GRIA4: variants seen among roughly 807,000 people sequenced by gnomAD.
The protein encoded by GRIA4 is glutamate ionotropic receptor AMPA type subunit 4.
Under a neutral mutation model 104.0 loss-of-function variants are expected in GRIA4, and 34 were observed. The observed-to-expected ratio is 0.33, with a 90% confidence interval of 0.25 to 0.44. The LOEUF is 0.44. GRIA4 is among the 20% of genes least tolerant of loss of function. The probability of loss-of-function intolerance (pLI) is 1.00; values close to 1 mark genes in which losing one functional copy is unlikely to be tolerated. For synonymous variants in GRIA4, 386 were observed against 381.9 expected (o/e 1.01, Z -0.13); for missense variants, 750 against 1,096.5 (o/e 0.68, Z 4.46).
intron 4 of GRIA4, among the ~76,000 whole-genome samples, chr11:105,765,399 A>T (rs1235055104): frequency 6.6e-6 from 1 of 152,228 alleles, no homozygotes; most frequent in Non-Finnish European, 1.5e-5. Flanking sequence ...TAAAGTATGT[A>T]AGAGTCATCT....
At position 105,680,674 on chromosome 11, in the gene GRIA4, GGA is replaced by G. The variant is rs1357469549; in HGVS notation, c.247+68242_247+68243del. Among the ~76,000 whole-genome samples, 3 of 152,192 alleles carry G rather than the reference GGA, an allele frequency of 2.0e-5. No individual in the cohort carries two copies. The East Asian group carries it at 5.8e-4, about 29-fold the overall frequency. The stretch of plus-strand genomic sequence containing the variant: ...TTTTAAAAAAATATATCTTCAAAAT[GGA>G]GGTTAAGAAGTGACTCAATTTCTGA... On this transcript the variant is annotated intron_variant, in intron 3 of 16. Coordinates refer to ENST00000282499, the MANE Select transcript of GRIA4 (RefSeq NM_000829.4).
intron 4 of GRIA4, among the ~76,000 whole-genome samples, chr11:105,812,492 A>G (rs560866826): frequency 6.0e-4 from 91 of 152,254 alleles, no homozygotes; most frequent in Admixed American, 1.6e-3. Context: ...TTGTCTTTTT[A>G]GGAAATTAAC....
intron 6 of GRIA4, among the ~76,000 whole-genome samples, chr11:105,892,040 C>T (rs898913363): frequency 1.1e-4 from 17 of 152,054 alleles, no homozygotes; most frequent in African/African-American, 4.1e-4. Context: ...TACCCAAGAT[C>T]TCGCAGATCT....
At chr11:105,737,930 T>C (rs1939056567) in intron 3 of GRIA4, among the ~76,000 whole-genome samples, 1 of 152,110 alleles carries the variant, frequency 6.6e-6, no homozygotes, top group Non-Finnish European at 1.5e-5. Context: ...TATAAGAATG[T>C]CATGAAGTTT....
At chr11:105,858,843 T>A (rs938181323) in intron 4 of GRIA4, among the ~76,000 whole-genome samples, 1 of 152,156 alleles carries the variant, frequency 6.6e-6, no homozygotes, top group Admixed American at 6.6e-5. Context: ...ATTTATAGAA[T>A]TCTGTATGTA....
chr11:105,646,413 T>C (rs1321117444), intron 3 of GRIA4, among the ~76,000 whole-genome samples: 1 of 152,088 alleles, frequency 6.6e-6, no homozygotes, highest in Non-Finnish European at 1.5e-5. Flanking sequence ...GGCAACATAG[T>C]GAGACTCTGT....
At position 105,933,796 on chromosome 11, in the gene GRIA4, T is replaced by C; in HGVS notation, c.2121T>C (p.Thr707=). The C allele has an allele frequency of 1.2e-6, 2 of 1,612,770 alleles. No individual in the cohort carries two copies. The highest frequency in any genetic ancestry group is 2.7e-5 in the African/African-American group (2 of 75,004). The change falls in exon 14 of 17, where the codon ACT becomes ACC. Residue 707 remains threonine, a synonymous_variant. Coordinates refer to ENST00000282499, the MANE Select transcript of GRIA4 (RefSeq NM_000829.4). ...RSAEPSVFTR[T]TAEGVARVRK... ...CAGAGCCATCAGTATTCACTAGGAC[T>C]ACAGCTGAGGGAGTAGCTCGTGTCC... is the stretch of plus-strand genomic sequence containing the variant.
chr11:105,823,676 T>TG (rs1943659509), intron 4 of GRIA4, among the ~76,000 whole-genome samples: 1 of 152,080 alleles, frequency 6.6e-6, no homozygotes. Context: ...ATATTGCAAT[T>TG]GGGACTGACA....
chr11:105,969,559 G>A (rs1858574492), intron 14 of GRIA4, among the ~76,000 whole-genome samples: 1 of 152,182 alleles, frequency 6.6e-6, no homozygotes, highest in Non-Finnish European at 1.5e-5. Flanking sequence ...GCCTAATGCA[G>A]TCTTCATCTT....
At chr11:105,880,921 A>G (rs563673282) in intron 5 of GRIA4, among the ~76,000 whole-genome samples, 2 of 152,310 alleles carry the variant, frequency 1.3e-5, no homozygotes, top group East Asian at 3.9e-4. Flanking sequence ...TTTTTACATT[A>G]TCAATTCTAC....
intron 13 of GRIA4, among the ~76,000 whole-genome samples, chr11:105,931,795 G>A (rs1947883455): frequency 6.6e-6 from 1 of 152,030 alleles, no homozygotes; most frequent in African/African-American, 2.4e-5. Context: ...TGGTTTATTA[G>A]TTAGGTTTCT....
At chr11:105,903,409 A>C (rs1167365068) in intron 7 of GRIA4, among the ~76,000 whole-genome samples, 1 of 152,178 alleles carries the variant, frequency 6.6e-6, no homozygotes, top group African/African-American at 2.4e-5. Flanking sequence ...GGAAAAGATT[A>C]AGAGGCCCAG....
chr11:105,684,064 A>T (rs1952793726), intron 3 of GRIA4, among the ~76,000 whole-genome samples: 1 of 151,804 alleles, frequency 6.6e-6, no homozygotes, highest in Admixed American at 6.6e-5. Flanking sequence ...AGTAGAGATG[A>T]GGTTTCTCCA....
chr11:105,979,744 CA>C lies in GRIA4; in HGVS notation c.*12del. On this transcript the variant is annotated 3_prime_UTR_variant, in exon 17 of 17. Coordinates refer to ENST00000282499, the MANE Select transcript of GRIA4 (RefSeq NM_000829.4). The stretch of plus-strand genomic sequence containing the variant: ...ATTGCATCGGACCTACCATAAAAAC[CA>C]AAAAAATAATTGAGTGCCTTAATTA... The C allele has an allele frequency of 2.5e-6, 4 of 1,605,388 alleles. No individual in the cohort carries two copies. The highest frequency in any genetic ancestry group is 3.4e-6 in the Non-Finnish European group (4 of 1,175,062).
At chr11:105,806,676 G>T (rs2135855453) in intron 4 of GRIA4, among the ~76,000 whole-genome samples, 2 of 151,592 alleles carry the variant, frequency 1.3e-5, no homozygotes, top group South Asian at 4.1e-4. Context: ...TGGTACCCAG[G>T]TCTTCTAGTG....
intron 14 of GRIA4, among the ~76,000 whole-genome samples, chr11:105,957,124 T>C (rs920440334): frequency 2.0e-5 from 3 of 152,222 alleles, no homozygotes; most frequent in African/African-American, 7.2e-5. Context: ...TTAGATCCCA[T>C]TTGCCAATTT....
chr11:105,643,626 T>A (rs1006946423), intron 3 of GRIA4, among the ~76,000 whole-genome samples: 1 of 152,154 alleles, frequency 6.6e-6, no homozygotes, highest in Admixed American at 6.6e-5. Context: ...GACTACTCAG[T>A]GGTTATAGAA....
At chr11:105,721,109 G>A (rs750618490) in intron 3 of GRIA4, among the ~76,000 whole-genome samples, 1 of 151,972 alleles carries the variant, frequency 6.6e-6, no homozygotes, top group Non-Finnish European at 1.5e-5. Flanking sequence ...CATCTAGCTG[G>A]TCACACCATG....
intron 3 of GRIA4, among the ~76,000 whole-genome samples, chr11:105,641,538 C>T (rs932546432): frequency 5.8e-4 from 89 of 152,260 alleles, no homozygotes; most frequent in African/African-American, 2.0e-3. Flanking sequence ...ACAAAGAATC[C>T]TTGAATACAT....
Sources: allele counts gnomAD v4.1 joint callset (sites outside exome capture counted in the v4.1 genomes callset), GRCh38; gene constraint gnomAD v4.1.1; transcripts MANE v1.5; gene names NCBI Gene and HGNC (gene_info 2026-07-23, HGNC 2026-07-21).